TIMP2: variants seen among roughly 807,000 people sequenced by gnomAD.
TIMP2 encodes metalloproteinase inhibitor 2.
TIMP2 carries 5 observed loss-of-function variants against 24.3 expected under a neutral mutation model. The ratio of observed to expected loss-of-function variants is 0.21; its 90% CI spans 0.11 to 0.43. TIMP2 has a LOEUF of 0.43. Among genes scored for constraint, TIMP2 ranks in the 20% least tolerant of loss-of-function variants. The probability of loss-of-function intolerance (pLI) is 1.00; values close to 1 mark genes in which losing one functional copy is unlikely to be tolerated. For missense variants in TIMP2, 221 were observed against 297.5 expected (o/e 0.74, Z 1.89); for synonymous variants, 130 against 123.2 (o/e 1.06, Z -0.37).
chr17:78,887,241 G>C (rs2069832674), intron 1 of TIMP2, among the ~76,000 whole-genome samples: 2 of 152,164 alleles, frequency 1.3e-5, no homozygotes, highest in African/African-American at 4.8e-5. Context: ...GTCCCACTGA[G>C]CACCTTGTCC....
chr17:78,869,329 G>C (rs1260041855), intron 3 of TIMP2, among the ~76,000 whole-genome samples: 1 of 151,410 alleles, frequency 6.6e-6, no homozygotes, highest in Non-Finnish European at 1.5e-5. Flanking sequence ...AGGCTGAGGC[G>C]AGAGGATCAC....
At chr17:78,884,813 G>A (rs774998322) in intron 1 of TIMP2, among the ~76,000 whole-genome samples, 130 of 152,224 alleles carry the variant, frequency 8.5e-4, no homozygotes, top group Non-Finnish European at 1.3e-3. Flanking sequence ...ACAGGTCAGG[G>A]AGGGTGCTCT....
rs7406954 is a variant in TIMP2, at chr17:78,871,605, G to A, written c.232-599C>T. ...CTCACACCAGTAATCCCAGCACTTT[G>A]GGAGGCCGAGGCAGGCAGATCACGA... On this transcript the variant is annotated intron_variant, in intron 2 of 4. Transcript: ENST00000262768. Among the ~76,000 whole-genome samples the A allele has an allele frequency of 2.6e-3, 402 of 152,162 alleles. 2 individuals carry two copies. Among genetic ancestry groups the A allele is most frequent in the Admixed American group, 0.012 (183 of 15,288 alleles).
At chr17:78,886,711 A>G (rs188671949) in intron 1 of TIMP2, among the ~76,000 whole-genome samples, 242 of 152,272 alleles carry the variant, frequency 1.6e-3, no homozygotes, top group Non-Finnish European at 2.5e-3. Flanking sequence ...AAACCAGGCT[A>G]AGATCAAAAT....
rs556231703 is a variant in TIMP2 at position 78,866,842 on chromosome 17, G to A, written c.340+4056C>T. 3.9e-5 allele frequency among the ~76,000 whole-genome samples: 6 copies of A among 152,278 alleles called. No homozygotes were observed. In the East Asian group the frequency reaches 7.7e-4, roughly 20 times the overall value. ...AGCATAGAGAAATCTATAGAGACGG[G>A]AAGTATACCAGTGGCTGCTTAGGGC... On this transcript the variant is annotated intron_variant, in intron 3 of 4. Coordinates refer to ENST00000262768, the MANE Select transcript of TIMP2 (RefSeq NM_003255.5).
chr17:78,890,964 G>C, intron 1 of TIMP2: 1 of 1,551,074 alleles, frequency 6.4e-7, no homozygotes, highest in Non-Finnish European at 8.7e-7. Context: ...AGTTGTTTTT[G>C]TCTTCTCTGC....
intron 2 of TIMP2, 142 bp from the exon 3 acceptor site, chr17:78,871,148 A>C: frequency 1.6e-6 from 1 of 616,690 alleles, no homozygotes; most frequent in East Asian, 3.0e-5. Flanking sequence ...GTGCAAATAC[A>C]TGGGTTAGGA....
chr17:78,887,218 G>A lies in TIMP2; in HGVS notation c.131-13299C>T, dbSNP rs185901149. Among the ~76,000 whole-genome samples, 123 of 152,276 alleles carry A rather than the reference G, an allele frequency of 8.1e-4. 1 individual carries two copies. Among genetic ancestry groups the A allele is most frequent in the Admixed American group, 5.9e-4 (9 of 15,296 alleles). On this transcript the variant is annotated intron_variant, in intron 1 of 4. Transcript: ENST00000262768. ...GAAGTCCGGCTTGAGTTTCTCAGAGGCGTGCACTTGGGGTCCCACTGAGCA... is the reference window on the plus strand; with the variant it reads ...GAAGTCCGGCTTGAGTTTCTCAGAGACGTGCACTTGGGGTCCCACTGAGCA...
Position 78,891,294 on chromosome 17 carries a change from C to A in TIMP2, c.131-17375G>T. ...TCCTCTGCTGGGCTCCTGGGTTCCC[C>A]GGCAGGCAGCATCTCTGGGTCTGCC... On this transcript the variant is annotated intron_variant, in intron 1 of 4. Coordinates refer to ENST00000262768, the MANE Select transcript of TIMP2 (RefSeq NM_003255.5). This position sits in a 1 kb window ranked among gnomAD's most constrained non-coding sequence, Gnocchi z 4.5. The A allele has an allele frequency of 6.4e-7, 1 of 1,550,526 alleles. No homozygotes were observed. The highest frequency in any genetic ancestry group is 2.4e-5 in the East Asian group (1 of 40,926).
intron 1 of TIMP2, chr17:78,903,097 A>C (rs1356270761): frequency 1.3e-5 from 2 of 152,316 alleles, no homozygotes; most frequent in African/African-American, 2.4e-5. Flanking sequence ...AGACACAGAG[A>C]GCCTCAGCCC....
At position 78,907,816 on chromosome 17, in the gene TIMP2, G is replaced by T. The variant is rs375129716; in HGVS notation, c.130+17143C>A. Among the ~76,000 whole-genome samples, 4 of 152,294 alleles carry T rather than the reference G, an allele frequency of 2.6e-5. No homozygotes were observed. In the East Asian group the frequency reaches 7.7e-4, roughly 29 times the overall value. ...AACTGGAAAATACACCCTTGCCAAA[G>T]AAAGTCTAATGTCCCCTCATGTGTC... On this transcript the variant is annotated intron_variant, in intron 1 of 4. Coordinates refer to ENST00000262768, the MANE Select transcript of TIMP2 (RefSeq NM_003255.5).
chr17:78,885,537 A>C (rs1313723868), intron 1 of TIMP2, among the ~76,000 whole-genome samples: 6 of 151,680 alleles, frequency 4.0e-5, no homozygotes, highest in African/African-American at 2.4e-5. Context: ...TCCAGGGGGC[A>C]CCCCTGAGCC....
rs1448484286 is a variant in TIMP2 at position 78,853,519 on chromosome 17, C to T, written c.*2148G>A. The T allele has an allele frequency of 6.6e-6, 1 of 152,150 alleles. No individual in the cohort carries two copies. The highest frequency in any genetic ancestry group is 1.5e-5 in the Non-Finnish European group (1 of 68,024). 9.4% of individuals were successfully genotyped at this position (152,150 alleles called of 1,614,324 possible). On this transcript the variant is annotated 3_prime_UTR_variant, in exon 5 of 5. Transcript: ENST00000262768. ...AAATATAAAGGCCACACCTTTCAGACCGAACCTACTCAAAGATCCTTTACT... is the reference window on the plus strand; with the variant it reads ...AAATATAAAGGCCACACCTTTCAGATCGAACCTACTCAAAGATCCTTTACT...
In TIMP2 at chr17:78,855,404, A is replaced by G; in HGVS notation, c.*263T>C. The G allele has an allele frequency of 1.9e-6, 1 of 517,858 alleles. No individual in the cohort carries two copies. The highest frequency in any genetic ancestry group is 3.5e-6 in the Non-Finnish European group (1 of 285,360). 32.1% of individuals were successfully genotyped at this position (517,858 alleles called of 1,614,324 possible). On this transcript the variant is annotated 3_prime_UTR_variant, in exon 5 of 5. Coordinates refer to ENST00000262768, the MANE Select transcript of TIMP2 (RefSeq NM_003255.5). The surrounding 1 kb of genome is among the most constrained non-coding windows in gnomAD (Gnocchi z 6.0). Reference sequence around the variant, plus strand: ...GACTGGGAGGGAAGCCGCGTGTCCCAGCCCTGCCTGCACCCAAGGATCGAA... The same window carrying G: ...GACTGGGAGGGAAGCCGCGTGTCCCGGCCCTGCCTGCACCCAAGGATCGAA...
intron 1 of TIMP2, among the ~76,000 whole-genome samples, chr17:78,893,234 CATGT>C (rs1345136114): frequency 2.1e-5 from 2 of 96,794 alleles, no homozygotes; most frequent in African/African-American, 4.2e-5. Context: ...GGTGTGTGTG[CATGT>C]GTGTGTAGGA....
chr17:78,895,958 AGTGCACCCC>A (rs1284400267), intron 1 of TIMP2, among the ~76,000 whole-genome samples: 3 of 152,234 alleles, frequency 2.0e-5, no homozygotes, highest in African/African-American at 7.2e-5. Context: ...CAATGACCTC[AGTGCACCCC>A]GTGCCAGCCC....
At position 78,896,998 on chromosome 17, in the gene TIMP2, C is replaced by T; in HGVS notation, c.131-23079G>A. 1.0e-6 allele frequency: 1 copy of T among 985,406 alleles called. No individual in the cohort carries two copies. Among genetic ancestry groups the T allele is most frequent in the African/African-American group, 1.7e-5 (1 of 57,340 alleles). 61.0% of individuals were successfully genotyped at this position (985,406 alleles called of 1,614,324 possible). On this transcript the variant is annotated intron_variant, in intron 1 of 4. Coordinates refer to ENST00000262768, the MANE Select transcript of TIMP2 (RefSeq NM_003255.5). The surrounding 1 kb of genome is among the most constrained non-coding windows in gnomAD (Gnocchi z 4.4). ...AATGACGTCCAAGCAGCTCGCCTTT[C>T]CCTGGGCGGCCGCTCAGACAGCTTT...
At chr17:78,909,592 C>G (rs1027120621) in intron 1 of TIMP2, among the ~76,000 whole-genome samples, 1 of 150,334 alleles carries the variant, frequency 6.7e-6, no homozygotes, top group African/African-American at 2.5e-5. Context: ...CCCAGCTGCC[C>G]GTGTGACCGT....
chr17:78,903,766 C>T (rs139119116), intron 1 of TIMP2, among the ~76,000 whole-genome samples: 3 of 151,922 alleles, frequency 2.0e-5, no homozygotes, highest in South Asian at 2.1e-4. Context: ...GCTGGCAGGG[C>T]GAGGCTGGGG....
Sources: gnomAD v4.1 joint callset for allele counts (sites outside exome capture counted in the v4.1 genomes callset) on GRCh38, gnomAD v4.1.1 for gene constraint, Gnocchi (gnomAD v3.1) non-coding constraint, MANE v1.5 for transcripts, NCBI Gene and HGNC (gene_info 2026-07-23, HGNC 2026-07-21) for gene names.